SEMA3D: variants seen among roughly 807,000 people sequenced by gnomAD.
SEMA3D encodes the protein semaphorin 3D, also known as semaphorin-3D.
Under a neutral mutation model 100.1 loss-of-function variants are expected in SEMA3D, and 84 were observed. The observed-to-expected ratio is 0.84, with a 90% CI of 0.70 to 1.01. SEMA3D has a LOEUF of 1.01. Among genes scored for constraint, SEMA3D ranks in the 50% least tolerant of loss-of-function variants. The pLI, the probability that SEMA3D is intolerant of heterozygous loss-of-function variation, is 0.00. For synonymous variants in SEMA3D, 312 were observed against 320.7 expected, an observed-to-expected ratio of 0.97 and a Z score of 0.29; for missense variants, 875 against 934.1, an observed-to-expected ratio of 0.94 and a Z score of 0.82.
intron 4 of SEMA3D, among the ~76,000 whole-genome samples, chr7:85,085,304 C>T (rs58578245): frequency 0.039 from 5,892 of 151,968 alleles, 359 homozygotes; most frequent in African/African-American, 0.13. Context: ...GGATAAAGGC[C>T]ATCACAGGGT....
Position 85,037,009 on chromosome 7 carries a change from A to G in SEMA3D, c.1071T>C (p.Val357=). ...TTSSIFKGSA[V]CVYSMADIRA... ...TGATGTCAGCCATGCTATACACACA[A>G]ACAGCAGAGCCTTTGAAGATGGAGC... Residue 357 remains valine, a synonymous_variant, in exon 12 of 19, where the codon GTT becomes GTC. Transcript: ENST00000284136. The G allele has an allele frequency of 6.2e-7, 1 of 1,613,054 alleles. No individual in the cohort carries two copies.
intron 13 of SEMA3D, among the ~76,000 whole-genome samples, chr7:85,021,465 T>G (rs1790254030): frequency 1.3e-5 from 2 of 151,818 alleles, no homozygotes; most frequent in Admixed American, 1.3e-4. Flanking sequence ...TTTGTGGAAT[T>G]GCCATCTTCA....
At chr7:85,097,705 A>G (rs1788603946) in intron 4 of SEMA3D, 100 bp downstream of exon 4, 1 of 664,554 alleles carries the variant, frequency 1.5e-6, no homozygotes, top group South Asian at 2.7e-5. Flanking sequence ...GATGCACTGC[A>G]TTTGACACTG....
intron 2 of SEMA3D, chr7:85,141,708 A>G: frequency 3.2e-6 from 3 of 925,950 alleles, no homozygotes; most frequent in Non-Finnish European, 3.9e-6. Flanking sequence ...ATTAATGTTT[A>G]TTTAGTATCT....
At chr7:85,151,702 T>C in intron 2 of SEMA3D, 2 of 980,906 alleles carry the variant, frequency 2.0e-6, no homozygotes, top group South Asian at 4.7e-5. Flanking sequence ...CAAAGCATCT[T>C]GTACTGGTAG....
intron 1 of SEMA3D, among the ~76,000 whole-genome samples, chr7:85,183,243 C>T (rs1791448960): frequency 6.6e-6 from 1 of 152,148 alleles, no homozygotes; most frequent in African/African-American, 2.4e-5. Flanking sequence ...TTCAGAGACA[C>T]CTCTGGTTTA....
chr7:85,228,174 A>G, the SEMA3D span, among the ~76,000 whole-genome samples: 1 of 152,116 alleles, frequency 6.6e-6, no homozygotes, highest in Non-Finnish European at 1.5e-5. Context: ...TGTTTGTCAT[A>G]CTGACAGATA....
At chr7:85,111,400 C>T (rs1325154001) in intron 3 of SEMA3D, among the ~76,000 whole-genome samples, 1 of 152,002 alleles carries the variant, frequency 6.6e-6, no homozygotes, top group Admixed American at 6.6e-5. Context: ...GTATTTCCCA[C>T]TTTAATTAAT....
chr7:85,142,304 C>T, intron 2 of SEMA3D: 1 of 979,184 alleles, frequency 1.0e-6, no homozygotes. Flanking sequence ...TTAGTTTTAT[C>T]TACACCCTCA....
At chr7:85,075,168 T>C (rs1232071285) in intron 5 of SEMA3D, among the ~76,000 whole-genome samples, 2 of 152,116 alleles carry the variant, frequency 1.3e-5, no homozygotes, top group Admixed American at 1.3e-4. Context: ...AGTAAAATCA[T>C]ATGGCTGGAG....
chr7:85,100,261 T>C (rs866710567), intron 3 of SEMA3D, among the ~76,000 whole-genome samples: 4 of 151,798 alleles, frequency 2.6e-5, no homozygotes, highest in African/African-American at 9.7e-5. Flanking sequence ...GTTACAAAAC[T>C]ACGTAGCAGC....
In SEMA3D at chr7:85,033,895, T is replaced by A. The variant is rs551516608; in HGVS notation, c.1191+2994A>T. Among the ~76,000 whole-genome samples the A allele has an allele frequency of 2.1e-4, 20 of 97,442 alleles. No individual in the cohort carries two copies. In the South Asian group the frequency reaches 4.7e-3, roughly 23 times the overall value. The allele number at this position is 97,442 out of a possible 152,430, so 63.9% of individuals were successfully genotyped here. The stretch of plus-strand genomic sequence containing the variant: ...CACACACACACACACACACACACAA[T>A]CTCCCAGGGAAGGTAAAAATATATA... On this transcript the variant is annotated intron_variant, in intron 12 of 18. Transcript: ENST00000284136.
chr7:85,148,727 GA>G (rs1402198975), intron 2 of SEMA3D, among the ~76,000 whole-genome samples: 5 of 151,876 alleles, frequency 3.3e-5, no homozygotes, highest in African/African-American at 1.2e-4. Context: ...TAGAAACTTT[GA>G]AAAAAATTAG....
the SEMA3D span, among the ~76,000 whole-genome samples, chr7:85,216,841 T>G: frequency 2.1e-4 from 32 of 152,014 alleles, no homozygotes; most frequent in Admixed American, 2.0e-4. Context: ...GTTTTGTACT[T>G]AATTTAATAT....
intron 3 of SEMA3D, among the ~76,000 whole-genome samples, chr7:85,116,242 A>G (rs1294471880): frequency 6.8e-6 from 1 of 147,752 alleles, no homozygotes; most frequent in Non-Finnish European, 1.5e-5. Flanking sequence ...GTACATACCT[A>G]TATAAATTGT....
intron 6 of SEMA3D, among the ~76,000 whole-genome samples, chr7:85,071,892 T>C (rs1350289113): frequency 6.6e-6 from 1 of 152,252 alleles, no homozygotes; most frequent in African/African-American, 2.4e-5. Flanking sequence ...AGGATGACAT[T>C]GCACATCACC....
At chr7:85,072,840 C>T (rs1791812788) in intron 6 of SEMA3D, 122 bp downstream of exon 6, 5 of 754,884 alleles carry the variant, frequency 6.6e-6, no homozygotes, top group Non-Finnish European at 1.0e-5. Flanking sequence ...CAGGCAGGCA[C>T]CTCCATGCCT....
chr7:85,015,240 A>T lies in SEMA3D; in HGVS notation c.1546-24T>A, dbSNP rs370183048. The T allele has an allele frequency of 2.9e-5, 47 of 1,596,914 alleles. No individual in the cohort carries two copies. The African/African-American group carries it at 5.9e-4, about 20-fold the overall frequency. On this transcript the variant is annotated intron_variant, in intron 15 of 18. Transcript: ENST00000284136. The stretch of plus-strand genomic sequence containing the variant: ...TGCTGCAAATCGGGCAAAACAAATG[A>T]ATTAGAAGCATCTTTCAGACTAGTC...
At chr7:85,177,784 A>G (rs1249365592) in intron 1 of SEMA3D, among the ~76,000 whole-genome samples, 1 of 152,188 alleles carries the variant, frequency 6.6e-6, no homozygotes, top group Non-Finnish European at 1.5e-5. Context: ...TTATAAACAG[A>G]AAAAATGGCA....
Sources: gnomAD v4.1 joint callset for allele counts (sites outside exome capture counted in the v4.1 genomes callset) on GRCh38, gnomAD v4.1.1 for gene constraint, MANE v1.5 for transcripts, NCBI Gene and HGNC (gene_info 2026-07-23, HGNC 2026-07-21) for gene names.